The following AGBL4 variants were observed in gnomAD, a reference collection of about 807,000 sequenced individuals.
The protein encoded by AGBL4 is AGBL carboxypeptidase 4.
A neutral mutation model predicts 66.4 loss-of-function variants in AGBL4; 58 were observed. The ratio of observed to expected loss-of-function variants is 0.87; its 90% CI spans 0.71 to 1.09. The LOEUF (loss-of-function observed/expected upper bound fraction) is 1.09, where lower values mean the gene tolerates loss of function less well. Ranked by LOEUF, AGBL4 falls within the 50% of genes least tolerant of loss-of-function variation. The probability of loss-of-function intolerance (pLI) is 0.00; values close to 1 mark genes in which losing one functional copy is unlikely to be tolerated. For synonymous variants in AGBL4, 234 were observed against 222.9 expected (o/e 1.05, Z -0.44); for missense variants, 579 against 631.0 (o/e 0.92, Z 0.88).
chr1:49,077,275 T>C (rs984163720), intron 4 of AGBL4, among the ~76,000 whole-genome samples: 2 of 152,152 alleles, frequency 1.3e-5, no homozygotes, highest in Non-Finnish European at 2.9e-5. Context: ...ATTTTGAGTG[T>C]TTAACACCAT....
intron 7 of AGBL4, among the ~76,000 whole-genome samples, chr1:48,654,286 G>A (rs537871136): frequency 2.3e-4 from 35 of 152,260 alleles, no homozygotes; most frequent in African/African-American, 8.2e-4. Flanking sequence ...CATCGCTGAA[G>A]CCAGAAGGAT....
At chr1:48,928,707 C>T (rs1288440116) in intron 5 of AGBL4, among the ~76,000 whole-genome samples, 1 of 151,380 alleles carries the variant, frequency 6.6e-6, no homozygotes, top group Non-Finnish European at 1.5e-5. Flanking sequence ...CACTTATAGA[C>T]ATATAGGCAT....
chr1:48,791,874 G>A (rs2355683), intron 6 of AGBL4, among the ~76,000 whole-genome samples: 2,712 of 152,200 alleles, frequency 0.018, 74 homozygotes, highest in African/African-American at 0.06. Context: ...AACATTTCCC[G>A]AGCCACCTTA....
At chr1:48,776,855 G>A (rs945860168) in intron 6 of AGBL4, 186 of 1,479,458 alleles carry the variant, frequency 1.3e-4, no homozygotes, top group Middle Eastern at 4.5e-4. Context: ...GGCGGGCCCC[G>A]GTCGGGCAGC....
chr1:49,443,541 G>A (rs1376109545), intron 3 of AGBL4, among the ~76,000 whole-genome samples: 1 of 151,832 alleles, frequency 6.6e-6, no homozygotes, highest in Non-Finnish European at 1.5e-5. Flanking sequence ...CCCATTATAA[G>A]CTCTTGTGTT....
At chr1:49,066,349 C>T (rs1200080753) in intron 4 of AGBL4, among the ~76,000 whole-genome samples, 2 of 152,110 alleles carry the variant, frequency 1.3e-5, no homozygotes, top group Admixed American at 6.5e-5. Flanking sequence ...GTCAGGAGAT[C>T]GAGACCATCC....
At chr1:49,206,320 AAAAAC>A (rs1240383135) in intron 4 of AGBL4, among the ~76,000 whole-genome samples, 32 of 152,214 alleles carry the variant, frequency 2.1e-4, no homozygotes, top group African/African-American at 7.2e-4. Context: ...AAACAAAAAC[AAAAAC>A]AAAACAAAAC....
rs371569253 is a variant in AGBL4 at position 49,990,426 on chromosome 1, T to G, written c.34+33337A>C. Among the ~76,000 whole-genome samples the G allele has an allele frequency of 2.6e-5, 4 of 152,244 alleles. No homozygotes were observed. In the East Asian group the frequency reaches 7.7e-4, roughly 29 times the overall value. Reference sequence around the variant, plus strand: ...CACAAGTTCTTCTTTCATTCACTTGTCTCTCTCCTGCTGCCTTGTGAAGAA... The same window carrying G: ...CACAAGTTCTTCTTTCATTCACTTGGCTCTCTCCTGCTGCCTTGTGAAGAA... On this transcript the variant is annotated intron_variant, in intron 1 of 13. Transcript: ENST00000371839.
chr1:49,484,849 T>C (rs1019925056), intron 3 of AGBL4, among the ~76,000 whole-genome samples: 9 of 152,006 alleles, frequency 5.9e-5, no homozygotes, highest in Non-Finnish European at 1.2e-4. Flanking sequence ...TATCAAAACA[T>C]CTCATTTAAT....
chr1:49,394,018 A>G (rs962167570), intron 3 of AGBL4, among the ~76,000 whole-genome samples: 1 of 152,106 alleles, frequency 6.6e-6, no homozygotes, highest in Non-Finnish European at 1.5e-5. Flanking sequence ...TAAGACAAAG[A>G]GGAATGAAAT....
At chr1:49,258,947 G>A (rs1336009270) in intron 3 of AGBL4, among the ~76,000 whole-genome samples, 1 of 152,174 alleles carries the variant, frequency 6.6e-6, no homozygotes, top group Non-Finnish European at 1.5e-5. Context: ...ATCAGACTAA[G>A]AGCGGATCTC....
chr1:48,890,560 T>C (rs1650840429), intron 5 of AGBL4, among the ~76,000 whole-genome samples: 1 of 152,178 alleles, frequency 6.6e-6, no homozygotes, highest in African/African-American at 2.4e-5. Context: ...AGAAGCTCCT[T>C]GGAGTCAGTG....
chr1:49,761,843 C>G (rs1278740769), intron 2 of AGBL4, among the ~76,000 whole-genome samples: 3 of 152,160 alleles, frequency 2.0e-5, no homozygotes, highest in African/African-American at 7.2e-5. Context: ...CCAATGTCTC[C>G]CCATTCTCCC....
At chr1:49,514,841 A>C (rs535474116) in intron 3 of AGBL4, among the ~76,000 whole-genome samples, 4 of 152,250 alleles carry the variant, frequency 2.6e-5, no homozygotes, top group Admixed American at 6.5e-5. Flanking sequence ...CATATGTAGA[A>C]AGCTGAAACT....
intron 1 of AGBL4, among the ~76,000 whole-genome samples, chr1:49,892,276 C>T (rs1019199148): frequency 6.6e-6 from 1 of 152,110 alleles, no homozygotes; most frequent in Non-Finnish European, 1.5e-5. Context: ...TCTATCAAAT[C>T]TATCTGCCTT....
At chr1:49,236,380 G>A (rs1650746069) in intron 4 of AGBL4, among the ~76,000 whole-genome samples, 1 of 152,074 alleles carries the variant, frequency 6.6e-6, no homozygotes, top group Non-Finnish European at 1.5e-5. Context: ...TGGCTATAAA[G>A]GGCTCCTCTC....
At chr1:49,260,322 G>A (rs1179889077) in intron 3 of AGBL4, among the ~76,000 whole-genome samples, 2 of 150,416 alleles carry the variant, frequency 1.3e-5, no homozygotes, top group Non-Finnish European at 3.0e-5. Flanking sequence ...CAGAACTGAA[G>A]GAAATAGAGA....
At chr1:49,408,300 T>A (rs1490099917) in intron 3 of AGBL4, among the ~76,000 whole-genome samples, 2 of 152,342 alleles carry the variant, frequency 1.3e-5, no homozygotes, top group East Asian at 1.9e-4. Context: ...TGTTATTTTT[T>A]AAATACCAAA....
At chr1:49,782,076 ACTAAT>A (rs1280781368) in intron 2 of AGBL4, among the ~76,000 whole-genome samples, 1 of 151,836 alleles carries the variant, frequency 6.6e-6, no homozygotes, top group Non-Finnish European at 1.5e-5. Flanking sequence ...AGTAGAGCAA[ACTAAT>A]CTAAAGCAAG....
Sources: allele counts gnomAD v4.1 joint callset (sites outside exome capture counted in the v4.1 genomes callset), GRCh38; gene constraint gnomAD v4.1.1; transcripts MANE v1.5; gene names NCBI Gene and HGNC (gene_info 2026-07-23, HGNC 2026-07-21).